The following JCAD variants were observed in gnomAD, a reference collection of about 807,000 sequenced individuals.
The protein encoded by JCAD is junctional cadherin 5-associated protein.
Under a neutral mutation model 98.0 loss-of-function variants are expected in JCAD, and 40 were observed. The ratio of observed to expected loss-of-function variants is 0.41; its 90% CI spans 0.32 to 0.53. The LOEUF (loss-of-function observed/expected upper bound fraction) is 0.53. Ranked by LOEUF, JCAD falls within the 20% of genes least tolerant of loss-of-function variation. The pLI, the probability that JCAD is intolerant of heterozygous loss-of-function variation, is 0.31. For missense variants in JCAD, 1,705 were observed against 1,738.1 expected (o/e 0.98, Z 0.34); for synonymous variants, 691 against 682.3 (o/e 1.01, Z -0.20).
chr10:30,070,491 C>G (rs16930980), intron 1 of JCAD, among the ~76,000 whole-genome samples: 2 of 152,202 alleles, frequency 1.3e-5, no homozygotes, highest in Non-Finnish European at 2.9e-5. Context: ...CAGGGAACTA[C>G]GTGCACTTTT....
chr10:30,053,586 A>C (rs1048883335), intron 1 of JCAD, among the ~76,000 whole-genome samples: 3 of 151,672 alleles, frequency 2.0e-5, no homozygotes, highest in African/African-American at 7.3e-5. Flanking sequence ...AAAAGAAAAG[A>C]AAAGAATTAT....
At chr10:30,101,145 C>A (rs879861908) in intron 1 of JCAD, among the ~76,000 whole-genome samples, 2 of 152,216 alleles carry the variant, frequency 1.3e-5, no homozygotes, top group African/African-American at 4.8e-5. Context: ...TGCGATGGCT[C>A]ATGCCTGTAA....
At chr10:30,110,043 T>C (rs764638629) in intron 1 of JCAD, among the ~76,000 whole-genome samples, 10 of 151,930 alleles carry the variant, frequency 6.6e-5, no homozygotes, top group Non-Finnish European at 1.3e-4. Flanking sequence ...TCCTGATATA[T>C]GACCCCCCAA....
intron 3 of JCAD, among the ~76,000 whole-genome samples, chr10:30,019,791 G>C (rs765900585): frequency 6.6e-5 from 10 of 152,022 alleles, no homozygotes; most frequent in Non-Finnish European, 1.5e-4. Context: ...CAAAAAAACT[G>C]GTAACTATGA....
intron 1 of JCAD, among the ~76,000 whole-genome samples, chr10:30,089,188 A>T (rs896241329): frequency 6.6e-6 from 1 of 152,210 alleles, no homozygotes; most frequent in South Asian, 2.1e-4. Flanking sequence ...TCAATTTCCC[A>T]CTATGCATCA....
At chr10:30,115,093 A>G (rs1432691765) in intron 1 of JCAD, among the ~76,000 whole-genome samples, 1 of 152,178 alleles carries the variant, frequency 6.6e-6, no homozygotes. Context: ...TACCTTTGTA[A>G]TCTATATACA....
At chr10:30,112,788 C>T (rs948634681) in intron 1 of JCAD, among the ~76,000 whole-genome samples, 2 of 150,160 alleles carry the variant, frequency 1.3e-5, no homozygotes, top group Non-Finnish European at 2.9e-5. Context: ...AGGAGAATTG[C>T]TTGAACCCGG....
At chr10:30,038,611 G>A (rs1250170665) in intron 2 of JCAD, among the ~76,000 whole-genome samples, 1 of 151,338 alleles carries the variant, frequency 6.6e-6, no homozygotes, top group Non-Finnish European at 1.5e-5. Flanking sequence ...GCTTGAGCCT[G>A]GGAGGTCAAG....
rs777950743 is a variant in JCAD at position 30,027,800 on chromosome 10, T to G, written c.2348A>C (p.Gln783Pro). 5.6e-6 allele frequency: 9 copies of G among 1,614,266 alleles called. No individual in the cohort carries two copies. The highest frequency in any genetic ancestry group is 7.6e-6 in the Non-Finnish European group (9 of 1,180,050). Residue 783 changes from glutamine to proline, a missense_variant, in exon 3 of 4, where the codon CAG (glutamine) becomes CCG (proline). Transcript: ENST00000375377. ...AAGCCCGTGGACATCCACGCAGGGCTGACTTCGGCCTGCTTTTGGCGTCGG... is the reference window on the plus strand; with the variant it reads ...AAGCCCGTGGACATCCACGCAGGGCGGACTTCGGCCTGCTTTTGGCGTCGG... ...QAPTPKAGRS[Q>P]PCVDVHGLGA...
At chr10:30,098,747 C>T (rs1838419080) in intron 1 of JCAD, among the ~76,000 whole-genome samples, 1 of 152,228 alleles carries the variant, frequency 6.6e-6, no homozygotes, top group South Asian at 2.1e-4. Context: ...GAGTGCCATT[C>T]CAAAGTTCTT....
chr10:30,060,925 A>G (rs754635665), upstream of JCAD, among the ~76,000 whole-genome samples: 8 of 152,208 alleles, frequency 5.3e-5, no homozygotes, highest in Non-Finnish European at 1.0e-4. Flanking sequence ...ATAATCTAAC[A>G]CAGCATAAAA....
chr10:30,075,628 T>A (rs1837967507), intron 1 of JCAD, among the ~76,000 whole-genome samples: 1 of 152,148 alleles, frequency 6.6e-6, no homozygotes, highest in Non-Finnish European at 1.5e-5. Flanking sequence ...AATTCTTGCA[T>A]AAAATGAAGC....
At chr10:30,106,916 G>C (rs1838594787) in intron 1 of JCAD, among the ~76,000 whole-genome samples, 1 of 152,176 alleles carries the variant, frequency 6.6e-6, no homozygotes, top group Non-Finnish European at 1.5e-5. Context: ...CTCAAATGTA[G>C]GGAGACCACG....
intron 1 of JCAD, 85 bp from the exon 2 acceptor site, chr10:30,047,956 A>G: frequency 1.3e-6 from 1 of 750,504 alleles, no homozygotes; most frequent in Non-Finnish European, 2.1e-6. Flanking sequence ...TCCCCCCACC[A>G]AACCAGACCA....
rs990817423 is a variant in JCAD, at chr10:30,033,184, C to T, written c.282-3318G>A. Among the ~76,000 whole-genome samples the T allele has an allele frequency of 5.3e-5, 8 of 152,282 alleles. No individual in the cohort carries two copies. The South Asian group carries it at 8.3e-4, about 16-fold the overall frequency. On this transcript the variant is annotated intron_variant, in intron 2 of 3. Coordinates refer to ENST00000375377, the MANE Select transcript of JCAD (RefSeq NM_020848.4). ...TAAGCCAAGAAATGTGAACCTAAAA[C>T]GCTCAATTAACCCTGCATTTTACTT... is the stretch of plus-strand genomic sequence containing the variant.
At chr10:30,112,447 C>T (rs1247987215) in intron 1 of JCAD, among the ~76,000 whole-genome samples, 1 of 152,096 alleles carries the variant, frequency 6.6e-6, no homozygotes, top group Admixed American at 6.5e-5. Context: ...TGTGCCACTG[C>T]ACTCCAGCTT....
intron 2 of JCAD, 110 bp downstream of exon 2, chr10:30,047,422 T>C: frequency 7.6e-7 from 1 of 1,311,138 alleles, no homozygotes; most frequent in South Asian, 1.4e-5. Flanking sequence ...TAATACCATT[T>C]CTCCCTCCTT....
chr10:30,085,473 T>A (rs573494912), intron 1 of JCAD, among the ~76,000 whole-genome samples: 1 of 152,248 alleles, frequency 6.6e-6, no homozygotes, highest in Non-Finnish European at 1.5e-5. Context: ...CAGGCAAAGG[T>A]TTTGCAGTGG....
chr10:30,048,489 A>G (rs950183930), intron 1 of JCAD, among the ~76,000 whole-genome samples: 1 of 152,214 alleles, frequency 6.6e-6, no homozygotes. Context: ...CTTTGGGTTC[A>G]TGACGAGAAA....
Sources: allele counts gnomAD v4.1 joint callset (sites outside exome capture counted in the v4.1 genomes callset), GRCh38; gene constraint gnomAD v4.1.1; transcripts MANE v1.5; gene names NCBI Gene and HGNC (gene_info 2026-07-23, HGNC 2026-07-21).